The following FOCAD variants were observed in gnomAD, a reference collection of about 807,000 sequenced individuals.
FOCAD encodes focadhesin.
A neutral mutation model predicts 225.6 loss-of-function variants in FOCAD; 198 were observed. That is an observed-to-expected ratio of 0.88 (90% CI 0.78 to 0.99). The LOEUF (loss-of-function observed/expected upper bound fraction) is 0.99. FOCAD is among the 50% of genes least tolerant of loss of function. FOCAD has a pLI of 0.00. For synonymous variants in FOCAD, 897 were observed against 755.0 expected (o/e 1.19, Z -3.08); for missense variants, 2,713 against 2,123.6 (o/e 1.28, Z -5.46).
At chr9:20,666,967 A>G (rs1181852116) in intron 2 of FOCAD, among the ~76,000 whole-genome samples, 2 of 152,244 alleles carry the variant, frequency 1.3e-5, no homozygotes, top group Non-Finnish European at 2.9e-5. Context: ...GCAAAAACAA[A>G]CAAACAAAAA....
intron 11 of FOCAD, among the ~76,000 whole-genome samples, chr9:20,793,164 C>G (rs1336653152): frequency 6.6e-6 from 1 of 152,130 alleles, no homozygotes; most frequent in East Asian, 1.9e-4. Flanking sequence ...AAGTAGTGTA[C>G]TACTATTCCC....
Position 20,781,903 on chromosome 9 carries a change from G to A in FOCAD, c.1171G>A (p.Glu391Lys), listed in dbSNP as rs148691031. Reference protein sequence around the residue: ...ALNLLEMIQQECYRDDHQKLS... With the variant: ...ALNLLEMIQQKCYRDDHQKLS... ...AAACCTTTTGGAAATGATACAGCAG[G>A]AATGTTACAGAGATGACCACCAAAA... The change falls in exon 10 of 44, where the codon GAA becomes AAA. Residue 391 changes from glutamate to lysine, a missense_variant. Coordinates refer to ENST00000338382, the MANE Select transcript of FOCAD (RefSeq NM_001375567.1). The A allele has an allele frequency of 1.2e-4, 197 of 1,613,884 alleles. No homozygotes were observed. Among genetic ancestry groups the A allele is most frequent in the Non-Finnish European group, 1.6e-4 (190 of 1,179,872 alleles).
At chr9:20,767,320 A>G (rs1244589907) in intron 7 of FOCAD, among the ~76,000 whole-genome samples, 1 of 147,278 alleles carries the variant, frequency 6.8e-6, no homozygotes, top group Non-Finnish European at 1.5e-5. Context: ...CAAGATTTAT[A>G]GTCCTTTGGG....
intron 27 of FOCAD, among the ~76,000 whole-genome samples, chr9:20,930,834 T>G (rs1201245563): frequency 6.6e-6 from 1 of 152,214 alleles, no homozygotes; most frequent in East Asian, 1.9e-4. Context: ...CCTTTGCATG[T>G]GATTTGACTG....
At chr9:20,775,448 C>G (rs1344139722) in intron 8 of FOCAD, among the ~76,000 whole-genome samples, 1 of 152,136 alleles carries the variant, frequency 6.6e-6, no homozygotes, top group African/African-American at 2.4e-5. Flanking sequence ...CTGTGTGTCT[C>G]ATTTTAAGTT....
At chr9:20,662,735 C>T (rs1175326824) in intron 2 of FOCAD, among the ~76,000 whole-genome samples, 2 of 152,166 alleles carry the variant, frequency 1.3e-5, no homozygotes, top group Non-Finnish European at 2.9e-5. Flanking sequence ...CAGGCGTGAG[C>T]CACGGCACCC....
intron 11 of FOCAD, among the ~76,000 whole-genome samples, chr9:20,815,123 G>GTTTTTTTTTTTTTTTTTTTT (rs71334554): frequency 2.3e-5 from 2 of 85,394 alleles, no homozygotes; most frequent in African/African-American, 4.7e-5. Context: ...ACTTCTCTTT[G>GTTTTTTTTTTTTTTTTTTTT]TTTTTTTTTT....
intron 35 of FOCAD, among the ~76,000 whole-genome samples, chr9:20,970,922 C>T (rs1279979098): frequency 1.3e-5 from 2 of 151,996 alleles, no homozygotes; most frequent in African/African-American, 4.8e-5. Context: ...CAATAATCAC[C>T]ACCATCCAGC....
At chr9:20,855,798 T>C (rs1828122460) in intron 15 of FOCAD, among the ~76,000 whole-genome samples, 2 of 148,878 alleles carry the variant, frequency 1.3e-5, no homozygotes, top group South Asian at 4.2e-4. Flanking sequence ...TATATTCTTT[T>C]TTTTTTTTTT....
chr9:20,887,594 C>A (rs141526993), intron 21 of FOCAD, among the ~76,000 whole-genome samples: 1 of 152,244 alleles, frequency 6.6e-6, no homozygotes. Context: ...GTTGATGGAC[C>A]TTCGGGTTTT....
At chr9:20,770,306 A>G in intron 8 of FOCAD, 68 bp downstream of exon 8, 1 of 1,404,556 alleles carries the variant, frequency 7.1e-7, no homozygotes, top group Non-Finnish European at 9.9e-7. Context: ...TTGGTAATTT[A>G]TAAAGAAATG....
chr9:20,782,056 T>G, intron 10 of FOCAD, 127 bp downstream of exon 10: 1 of 754,328 alleles, frequency 1.3e-6, no homozygotes, highest in Non-Finnish European at 2.2e-6. Context: ...CAGGTAGTGC[T>G]GTTGGAGATC....
chr9:20,971,456 G>A (rs979147762), intron 35 of FOCAD, among the ~76,000 whole-genome samples: 4 of 151,294 alleles, frequency 2.6e-5, no homozygotes, highest in South Asian at 4.2e-4. Context: ...TTTGGTGGGG[G>A]AGGACAGAGT....
In FOCAD at chr9:20,758,195, ATGTAAAATAAAAG is replaced by A. The variant is rs1829234934; in HGVS notation, c.494+16_494+28del. 1 of 1,605,180 alleles carries A rather than the reference ATGTAAAATAAAAG, an allele frequency of 6.2e-7. No homozygotes were observed. On this transcript the variant is annotated splice_donor_5th_base_variant and intron_variant, in intron 6 of 43. Coordinates refer to ENST00000338382, the MANE Select transcript of FOCAD (RefSeq NM_001375567.1). ...TTTTCCAGCAGTGCCCTGAAAGGTA[ATGTAAAATAAAAG>A]TGTAAAATAAAGTGAGGGAGACAGA...
chr9:20,956,937 G>GC (rs1838194119), intron 35 of FOCAD, among the ~76,000 whole-genome samples: 1 of 152,046 alleles, frequency 6.6e-6, no homozygotes, highest in Admixed American at 6.5e-5. Flanking sequence ...CAGGTGATCC[G>GC]CCTGCCTCGG....
chr9:20,931,058 G>A (rs760466528), intron 27 of FOCAD, among the ~76,000 whole-genome samples: 1 of 152,106 alleles, frequency 6.6e-6, no homozygotes, highest in South Asian at 2.1e-4. Context: ...TCCTATTCTG[G>A]CTCTGACTCC....
intron 10 of FOCAD, among the ~76,000 whole-genome samples, chr9:20,785,967 A>G (rs1383910945): frequency 2.0e-5 from 3 of 151,972 alleles, no homozygotes; most frequent in Admixed American, 6.6e-5. Flanking sequence ...GTGAAGTGGT[A>G]TTTCATTGTG....
intron 5 of FOCAD, among the ~76,000 whole-genome samples, chr9:20,755,676 A>T (rs752972537): frequency 4.6e-5 from 7 of 152,212 alleles, no homozygotes; most frequent in Non-Finnish European, 7.3e-5. Flanking sequence ...TGCCACCATT[A>T]TCTGGAAGAT....
chr9:20,783,040 G>A (rs538712814), intron 10 of FOCAD, among the ~76,000 whole-genome samples: 30 of 152,228 alleles, frequency 2.0e-4, no homozygotes, highest in African/African-American at 6.7e-4. Flanking sequence ...TTACCTCTTG[G>A]TTTGCCCATG....
Sources: allele counts gnomAD v4.1 joint callset (sites outside exome capture counted in the v4.1 genomes callset), GRCh38; gene constraint gnomAD v4.1.1; transcripts MANE v1.5; gene names NCBI Gene and HGNC (gene_info 2026-07-23, HGNC 2026-07-21).